STAU2: variants seen among roughly 807,000 people sequenced by gnomAD.
STAU2 encodes the protein staufen double-stranded RNA binding protein 2.
A neutral mutation model predicts 65.9 loss-of-function variants in STAU2; 20 were observed. The ratio of observed to expected loss-of-function variants is 0.30; its 90% CI spans 0.21 to 0.44. The LOEUF (loss-of-function observed/expected upper bound fraction) is 0.44. Ranked by LOEUF, STAU2 falls within the 20% of genes least tolerant of loss-of-function variation. The probability of loss-of-function intolerance (pLI) is 1.00; values close to 1 mark genes in which losing one functional copy is unlikely to be tolerated. For missense variants in STAU2, 558 were observed against 683.9 expected, an observed-to-expected ratio of 0.82 and a Z score of 2.05; for synonymous variants, 232 against 233.9, an observed-to-expected ratio of 0.99 and a Z score of 0.07.
chr8:73,596,035 C>T (rs755822705), intron 10 of STAU2, among the ~76,000 whole-genome samples: 3 of 151,882 alleles, frequency 2.0e-5, no homozygotes, highest in Non-Finnish European at 2.9e-5. Flanking sequence ...TCGCTTGAAC[C>T]CAGTAAGTAG....
At chr8:73,617,746 T>C (rs1349581046) in intron 6 of STAU2, among the ~76,000 whole-genome samples, 1 of 152,182 alleles carries the variant, frequency 6.6e-6, no homozygotes, top group Non-Finnish European at 1.5e-5. Flanking sequence ...CGGTCAGATT[T>C]TGACAGAAGT....
chr8:73,631,339 G>A (rs1476188791), intron 6 of STAU2, among the ~76,000 whole-genome samples: 1 of 150,706 alleles, frequency 6.6e-6, no homozygotes, highest in African/African-American at 2.4e-5. Context: ...GAGTACCACT[G>A]CACTCCAGCC....
At chr8:73,439,371 C>A (rs954312868) in intron 13 of STAU2, 28 of 248,812 alleles carry the variant, frequency 1.1e-4, no homozygotes, top group African/African-American at 5.9e-4. Context: ...AATCCCAGCA[C>A]TTTGGGAGGC....
At chr8:73,452,446 CG>C (rs1818850619) in intron 13 of STAU2, among the ~76,000 whole-genome samples, 1 of 152,198 alleles carries the variant, frequency 6.6e-6, no homozygotes, top group South Asian at 2.1e-4. Flanking sequence ...ATGCATCCCA[CG>C]GAAGGCCTGA....
At chr8:73,671,116 A>G (rs1817637464) in intron 6 of STAU2, among the ~76,000 whole-genome samples, 1 of 152,198 alleles carries the variant, frequency 6.6e-6, no homozygotes, top group South Asian at 2.1e-4. Context: ...ACTAGTAATC[A>G]ATAAAATTGA....
intron 13 of STAU2, among the ~76,000 whole-genome samples, chr8:73,504,954 A>G (rs1821979012): frequency 1.3e-5 from 2 of 152,066 alleles, no homozygotes; most frequent in Non-Finnish European, 2.9e-5. Context: ...GTTATTTTCT[A>G]TCCCTTGACT....
intron 10 of STAU2, among the ~76,000 whole-genome samples, 200 bp from the exon 11 acceptor site, chr8:73,595,497 A>G (rs1296694727): frequency 6.6e-6 from 1 of 152,150 alleles, no homozygotes; most frequent in Non-Finnish European, 1.5e-5. Flanking sequence ...TCAATGGAGG[A>G]TTATCTCAGG....
intron 6 of STAU2, among the ~76,000 whole-genome samples, chr8:73,617,827 T>G (rs778731576): frequency 1.5e-4 from 23 of 152,258 alleles, no homozygotes; most frequent in Non-Finnish European, 2.2e-4. Flanking sequence ...AACATGTAGA[T>G]TACCGTGCTT....
chr8:73,714,364 T>C (rs548160047), intron 3 of STAU2, among the ~76,000 whole-genome samples: 2 of 152,302 alleles, frequency 1.3e-5, no homozygotes, highest in South Asian at 2.1e-4. Flanking sequence ...CTGACAGATA[T>C]GTCCCCAGCT....
chr8:73,690,435 A>G (rs375675585), intron 4 of STAU2, among the ~76,000 whole-genome samples: 128 of 152,246 alleles, frequency 8.4e-4, no homozygotes, highest in African/African-American at 3.0e-3. Flanking sequence ...AAAGCTGTAA[A>G]GGACATTCAG....
At chr8:73,646,870 G>GT (rs1360404455) in intron 6 of STAU2, among the ~76,000 whole-genome samples, 3 of 145,710 alleles carry the variant, frequency 2.1e-5, no homozygotes, top group Non-Finnish European at 4.5e-5. Flanking sequence ...AAACTCAACA[G>GT]TAAAAAAAAA....
At chr8:73,624,402 C>T (rs1200709708) in intron 6 of STAU2, among the ~76,000 whole-genome samples, 1 of 152,176 alleles carries the variant, frequency 6.6e-6, no homozygotes, top group Non-Finnish European at 1.5e-5. Flanking sequence ...CCAACATAAA[C>T]TTGTTCTTGC....
chr8:73,549,995 G>A, intron 13 of STAU2: 1 of 985,668 alleles, frequency 1.0e-6, no homozygotes, highest in Non-Finnish European at 1.2e-6. Context: ...TAACCACAAA[G>A]AACCTTCTGC....
chr8:73,450,536 A>T (rs1025201125), intron 13 of STAU2, among the ~76,000 whole-genome samples: 2 of 152,230 alleles, frequency 1.3e-5, no homozygotes, highest in Non-Finnish European at 2.9e-5. Flanking sequence ...AGAAAAGTTC[A>T]ACTGCTCTGG....
chr8:73,666,539 A>G (rs1227267780), intron 6 of STAU2, among the ~76,000 whole-genome samples: 4 of 152,254 alleles, frequency 2.6e-5, no homozygotes, highest in Non-Finnish European at 5.9e-5. Flanking sequence ...ATTCAGGCAA[A>G]ATAGTCCAAA....
chr8:73,732,247 A>G (rs1211861786), intron 3 of STAU2, among the ~76,000 whole-genome samples: 1 of 152,208 alleles, frequency 6.6e-6, no homozygotes, highest in Admixed American at 6.5e-5. Flanking sequence ...CATTCACAAC[A>G]TGGCAGCTAA....
chr8:73,513,695 C>T (rs1421036224), intron 13 of STAU2, among the ~76,000 whole-genome samples: 3 of 152,164 alleles, frequency 2.0e-5, no homozygotes, highest in Non-Finnish European at 1.5e-5. Context: ...TTGGCCCCAA[C>T]TAGGAATGTA....
At chr8:73,669,235 T>C in intron 6 of STAU2, 1 of 589,628 alleles carries the variant, frequency 1.7e-6, no homozygotes, top group Non-Finnish European at 3.0e-6. Flanking sequence ...TTACTAGTAC[T>C]TTCCGATATT....
intron 13 of STAU2, among the ~76,000 whole-genome samples, chr8:73,476,464 T>C (rs1443002708): frequency 6.6e-6 from 1 of 152,192 alleles, no homozygotes; most frequent in African/African-American, 2.4e-5. Flanking sequence ...ACAAAAGAAG[T>C]TCATTATTTT....
Sources: allele counts gnomAD v4.1 joint callset (sites outside exome capture counted in the v4.1 genomes callset), GRCh38; gene constraint gnomAD v4.1.1; transcripts MANE v1.5; gene names NCBI Gene and HGNC (gene_info 2026-07-23, HGNC 2026-07-21).